The following RIOK2 variants were observed in gnomAD, a reference collection of about 807,000 sequenced individuals.
RIOK2 encodes serine/threonine-protein kinase RIO2.
In RIOK2, 46 loss-of-function variants were observed where a neutral mutation model predicts 62.4. That is an observed-to-expected ratio of 0.74 (90% CI 0.58 to 0.94). RIOK2 has a LOEUF of 0.94. RIOK2 is among the 40% of genes least tolerant of loss of function. The pLI is 0.00. For synonymous variants in RIOK2, 197 were observed against 216.0 expected, an observed-to-expected ratio of 0.91 and a Z score of 0.77; for missense variants, 574 against 658.0, an observed-to-expected ratio of 0.87 and a Z score of 1.40.
chr5:97,168,963 A>G (rs1464352984), intron 6 of RIOK2, 111 bp from the exon 7 acceptor site: 2 of 544,250 alleles, frequency 3.7e-6, no homozygotes, highest in African/African-American at 1.9e-5. Context: ...TTACACAAGG[A>G]GATAAAAGAT....
chr5:97,168,912 C>T, intron 6 of RIOK2, 60 bp from the exon 7 acceptor site: 2 of 1,001,202 alleles, frequency 2.0e-6, no homozygotes, highest in Admixed American at 2.5e-5. Context: ...TCCTTATTAG[C>T]CAATGACAAT....
chr5:97,181,633 A>G (rs564704155), intron 1 of RIOK2, among the ~76,000 whole-genome samples: 1 of 152,366 alleles, frequency 6.6e-6, no homozygotes, highest in African/African-American at 2.4e-5. Flanking sequence ...AACTTTACAA[A>G]TAATTTAAAT....
At chr5:97,180,889 T>TA (rs199959232) in intron 1 of RIOK2, among the ~76,000 whole-genome samples, 11 of 149,518 alleles carry the variant, frequency 7.4e-5, no homozygotes, top group Non-Finnish European at 1.2e-4. Flanking sequence ...ATTTTATTAT[T>TA]TTTTTTTTTT....
intron 4 of RIOK2, among the ~76,000 whole-genome samples, chr5:97,173,801 A>T (rs2112837168): frequency 6.6e-6 from 1 of 152,344 alleles, no homozygotes; most frequent in African/African-American, 2.4e-5. Flanking sequence ...TAAATCTATT[A>T]TGTGAAAAAT....
rs115410663 is a variant in RIOK2 at position 97,167,200 on chromosome 5, G to T, written c.1397+267C>A. 3,687 of 1,327,012 alleles carry T rather than the reference G, an allele frequency of 2.8e-3. 93 individuals are homozygous for T. In the African/African-American group the frequency reaches 0.05, roughly 18 times the overall value. The allele number at this position is 1,327,012 out of a possible 1,614,324, so 82.2% of individuals were successfully genotyped here. ...CCAGAAGTGCTGAGATTACAGGCAT[G>T]AGCGAGCCACTGTGCCCAGCCATCA... On this transcript the variant is annotated intron_variant, in intron 8 of 9. Transcript: ENST00000283109.
At position 97,162,373 on chromosome 5, in the gene RIOK2, A is replaced by G. The variant is rs972376715; in HGVS notation, c.*688T>C. ...CACTTATATAATAAGCATATGAGAA[A>G]GAACATTTCATTCCTCATTCTACTC... On this transcript the variant is annotated 3_prime_UTR_variant, in exon 10 of 10. Coordinates refer to ENST00000283109, the MANE Select transcript of RIOK2 (RefSeq NM_018343.3). The G allele has an allele frequency of 1.0e-4, 16 of 152,432 alleles. No homozygotes were observed. Among genetic ancestry groups the G allele is most frequent in the African/African-American group, 3.8e-4 (16 of 41,568 alleles). 9.4% of individuals were successfully genotyped at this position (152,432 alleles called of 1,614,324 possible). A position where few individuals can be genotyped will look rare whatever the true frequency, so the allele number is the denominator to read the frequency against.
intron 1 of RIOK2, chr5:97,182,791 G>GGC: frequency 4.7e-6 from 1 of 214,622 alleles, no homozygotes; most frequent in Non-Finnish European, 9.2e-6. Flanking sequence ...GGGGGGGGGG[G>GGC]GGCTTAAACC....
chr5:97,171,384 G>A lies in RIOK2; in HGVS notation c.601C>T (p.His201Tyr). The A allele has an allele frequency of 6.5e-7, 1 of 1,529,422 alleles. No homozygotes were observed. Among genetic ancestry groups the A allele is most frequent in the South Asian group, 1.3e-5 (1 of 77,530 alleles). The allele number at this position is 1,529,422 out of a possible 1,614,324, so 94.7% of individuals were successfully genotyped here. A position where few individuals can be genotyped will look rare whatever the true frequency, so the allele number is the denominator to read the frequency against. The part of the protein sequence containing the change: ...INGYPLCQIH[H>Y]VEDPASVYDE... ...TATACTGATGCAGGATCTTCAACATGGTGTATCTGACATCTGAAAGTATTT... is the reference window on the plus strand; with the variant it reads ...TATACTGATGCAGGATCTTCAACATAGTGTATCTGACATCTGAAAGTATTT... Residue 201 changes from histidine to tyrosine, a missense_variant, in exon 6 of 10, where the codon CAT becomes TAT. His to Tyr is a moderately conservative substitution (Grantham distance 83, BLOSUM62 2). Coordinates refer to ENST00000283109, the MANE Select transcript of RIOK2 (RefSeq NM_018343.3).
intron 4 of RIOK2, 90 bp from the exon 5 acceptor site, chr5:97,173,353 A>G: frequency 1.3e-6 from 1 of 753,298 alleles, no homozygotes; most frequent in Non-Finnish European, 2.2e-6. Context: ...TACAACCAGA[A>G]AAAAAACACA....
At position 97,160,914 on chromosome 5, in the gene RIOK2, G is replaced by A. The variant is rs1748678232; in HGVS notation, c.*2147C>T. The A allele has an allele frequency of 6.6e-6, 1 of 152,218 alleles. No individual in the cohort carries two copies. Among genetic ancestry groups the A allele is most frequent in the South Asian group, 2.1e-4 (1 of 4,838 alleles). 9.4% of individuals were successfully genotyped at this position (152,218 alleles called of 1,614,324 possible). On this transcript the variant is annotated 3_prime_UTR_variant, in exon 10 of 10. Transcript: ENST00000283109. Reference sequence around the variant, plus strand: ...TAATGGGGAGACTAAGACGATGCAAGATGGTTACTAGAAAAACATCTTTCA... The same window carrying A: ...TAATGGGGAGACTAAGACGATGCAAAATGGTTACTAGAAAAACATCTTTCA...
intron 1 of RIOK2, among the ~76,000 whole-genome samples, chr5:97,181,351 A>C (rs748639490): frequency 1.3e-5 from 2 of 152,120 alleles, no homozygotes; most frequent in Non-Finnish European, 1.5e-5. Context: ...TTAGAAGGAA[A>C]AATTGTCAAT....
chr5:97,171,128 T>C (rs1748996280), intron 6 of RIOK2, 78 bp downstream of exon 6: 2 of 1,076,562 alleles, frequency 1.9e-6, no homozygotes, highest in South Asian at 6.3e-5. Flanking sequence ...GCCATTGCAC[T>C]CCAGCTTGGG....
intron 3 of RIOK2, among the ~76,000 whole-genome samples, 153 bp from the exon 4 acceptor site, chr5:97,177,444 A>G (rs1749201168): frequency 6.6e-6 from 1 of 152,190 alleles, no homozygotes; most frequent in African/African-American, 2.4e-5. Flanking sequence ...TCGGACCAGA[A>G]GTGTTTTGAA....
rs1183306339 is a variant in RIOK2, at chr5:97,180,162, G to C, written c.67-969C>G. ...TATATGTATATATATATATATATAT[G>C]TGCTTTTTACCTCTGAGAAATTTTT... is the stretch of plus-strand genomic sequence containing the variant. On this transcript the variant is annotated intron_variant, in intron 1 of 9. Coordinates refer to ENST00000283109, the MANE Select transcript of RIOK2 (RefSeq NM_018343.3). Among the ~76,000 whole-genome samples the C allele has an allele frequency of 6.1e-5, 4 of 66,106 alleles. No individual in the cohort carries two copies. The East Asian group carries it at 1.5e-3, about 25-fold the overall frequency. 43.4% of individuals were successfully genotyped at this position (66,106 alleles called of 152,430 possible).
rs1748694491 is a variant in RIOK2, at chr5:97,161,460, AAAC to A, written c.*1598_*1600del. 6.6e-6 allele frequency: 1 copy of A among 152,166 alleles called. No individual in the cohort carries two copies. The highest frequency in any genetic ancestry group is 1.5e-5 in the Non-Finnish European group (1 of 68,020). The allele number at this position is 152,166 out of a possible 1,614,324, so 9.4% of individuals were successfully genotyped here. A position where few individuals can be genotyped will look rare whatever the true frequency, so the allele number is the denominator to read the frequency against. Reference sequence around the variant, plus strand: ...ATTATACCTTAGTTTTCAACAACCAAAACAACATATCCAAAAAAAACTAAATTC... The same window carrying A: ...ATTATACCTTAGTTTTCAACAACCAAAACATATCCAAAAAAAACTAAATTC... On this transcript the variant is annotated 3_prime_UTR_variant, in exon 10 of 10. Transcript: ENST00000283109.
At chr5:97,172,699 T>A (rs1351150383) in intron 5 of RIOK2, among the ~76,000 whole-genome samples, 1 of 152,254 alleles carries the variant, frequency 6.6e-6, no homozygotes, top group Admixed American at 6.5e-5. Context: ...GCTGCTAATC[T>A]GAATCAAAAT....
chr5:97,172,026 T>G (rs890663537), intron 5 of RIOK2, among the ~76,000 whole-genome samples: 5 of 152,212 alleles, frequency 3.3e-5, no homozygotes, highest in African/African-American at 1.2e-4. Flanking sequence ...CACCATTCTC[T>G]CCAGGTGTTC....
chr5:97,168,905 T>G (rs890526836), intron 6 of RIOK2, 53 bp from the exon 7 acceptor site: 1 of 1,094,574 alleles, frequency 9.1e-7, no homozygotes. Context: ...CTCTTTTTCC[T>G]TATTAGCCAA....
intron 4 of RIOK2, among the ~76,000 whole-genome samples, chr5:97,174,839 G>A (rs576871645): frequency 3.3e-5 from 5 of 152,174 alleles, no homozygotes; most frequent in Admixed American, 3.3e-4. Flanking sequence ...TTGGGAGGCC[G>A]AGGTGGGTGA....
Sources: gnomAD v4.1 joint callset for allele counts (sites outside exome capture counted in the v4.1 genomes callset) on GRCh38, gnomAD v4.1.1 for gene constraint, MANE v1.5 for transcripts, NCBI Gene and HGNC (gene_info 2026-07-23, HGNC 2026-07-21) for gene names.